The following KCTD21 variants were observed in gnomAD, a reference collection of about 807,000 sequenced individuals.
The protein encoded by KCTD21 is BTB/POZ domain-containing protein KCTD21.
KCTD21 carries 9 observed loss-of-function variants against 13.2 expected under a neutral mutation model. That is an observed-to-expected ratio of 0.68 (90% CI 0.41 to 1.19). KCTD21 has a LOEUF of 1.19. Ranked by LOEUF, KCTD21 falls within the 50% of genes most tolerant of loss-of-function variation. The pLI is 0.01. For missense variants in KCTD21, 303 were observed against 336.5 expected, an observed-to-expected ratio of 0.90 and a Z score of 0.78; for synonymous variants, 142 against 137.4, an observed-to-expected ratio of 1.03 and a Z score of -0.23.
intron 1 of KCTD21, among the ~76,000 whole-genome samples, chr11:78,183,349 A>G (rs1251873729): frequency 6.6e-6 from 1 of 152,142 alleles, no homozygotes; most frequent in Non-Finnish European, 1.5e-5. Flanking sequence ...CAGCCTGGCT[A>G]ACATGGCAAA....
intron 1 of KCTD21, chr11:78,188,323 T>A (rs1862873683): frequency 2.0e-6 from 2 of 981,312 alleles, no homozygotes. Context: ...TTATCCGGGC[T>A]TTTCCGACTA....
At chr11:78,188,394 C>T (rs1862879627) in intron 1 of KCTD21, 179 bp downstream of exon 1, 1 of 985,678 alleles carries the variant, frequency 1.0e-6, no homozygotes, top group Non-Finnish European at 1.2e-6. Context: ...CCCACTTCGG[C>T]TCACCTCGCT....
chr11:78,182,844 T>G (rs1224271669), intron 1 of KCTD21, among the ~76,000 whole-genome samples: 1 of 152,102 alleles, frequency 6.6e-6, no homozygotes, highest in African/African-American at 2.4e-5. Context: ...CGACCTGGAG[T>G]AGGCAAGAGC....
Position 78,174,063 on chromosome 11 carries a change from G to A in KCTD21, c.492C>T (p.Phe164=), listed in dbSNP as rs1449293706. ...AGGAGAGATTGCCATTGGAGCAGTA[G>A]AAGAGCTTAGAGCCAAGGAGCTTGA... The part of the protein sequence containing the change: ...LFLKLLGSKL[F]YCSNGNLSSI... The change falls in exon 2 of 2, where the codon TTC becomes TTT. Residue 164 remains phenylalanine (F), a synonymous_variant. Coordinates refer to ENST00000340067, the MANE Select transcript of KCTD21 (RefSeq NM_001029859.3). 1.2e-6 allele frequency: 2 copies of A among 1,614,190 alleles called. No individual in the cohort carries two copies. Among genetic ancestry groups the A allele is most frequent in the Admixed American group, 3.3e-5 (2 of 60,020 alleles).
At chr11:78,178,643 CAGG>C (rs767768468) in intron 1 of KCTD21, among the ~76,000 whole-genome samples, 2 of 152,154 alleles carry the variant, frequency 1.3e-5, no homozygotes, top group Admixed American at 6.5e-5. Flanking sequence ...GCAAGTGAGG[CAGG>C]AGAACAAGGT....
intron 1 of KCTD21, among the ~76,000 whole-genome samples, chr11:78,184,472 G>T (rs1862715811): frequency 6.6e-6 from 1 of 151,852 alleles, no homozygotes; most frequent in Non-Finnish European, 1.5e-5. Context: ...GAGTAGCTGG[G>T]AGTATAGGCA....
At chr11:78,176,339 C>T (rs536945555) in intron 1 of KCTD21, 18 of 152,356 alleles carry the variant, frequency 1.2e-4, no homozygotes, top group African/African-American at 4.3e-4. Context: ...GCTGCAAGGT[C>T]AGTGCAAATG....
At position 78,176,450 on chromosome 11, in the gene KCTD21, T is replaced by C. The variant is rs1862451596; in HGVS notation, c.-29-1867A>G. The C allele has an allele frequency of 2.6e-5, 4 of 152,422 alleles. No individual in the cohort carries two copies. In the South Asian group the frequency reaches 8.3e-4, roughly 32 times the overall value. 9.4% of individuals were successfully genotyped at this position (152,422 alleles called of 1,614,324 possible). On this transcript the variant is annotated intron_variant, in intron 1 of 1. Transcript: ENST00000340067. ...CAGCATCTATGGCTGGCAAGTCTCC[T>C]TCACCACATGTTCTAGAAAACAGGA...
chr11:78,184,234 C>CA (rs1862707583), intron 1 of KCTD21, among the ~76,000 whole-genome samples: 2 of 152,358 alleles, frequency 1.3e-5, no homozygotes, highest in South Asian at 4.1e-4. Flanking sequence ...ATCCTCCTGA[C>CA]ATGCAGTAAG....
chr11:78,186,693 C>T (rs1862785073), intron 1 of KCTD21: 1 of 985,358 alleles, frequency 1.0e-6, no homozygotes, highest in African/African-American at 1.7e-5. Context: ...TACAGACCAA[C>T]CATACTGGGC....
intron 1 of KCTD21, chr11:78,177,617 C>T (rs544763707): frequency 6.6e-6 from 1 of 152,380 alleles, no homozygotes; most frequent in East Asian, 1.9e-4. Flanking sequence ...CTCTAGTCTA[C>T]TCCAACTGTT....
At position 78,183,405 on chromosome 11, in the gene KCTD21, G is replaced by A. The variant is rs151255664; in HGVS notation, c.-30+5168C>T. On this transcript the variant is annotated intron_variant, in intron 1 of 1. Transcript: ENST00000340067. The stretch of plus-strand genomic sequence containing the variant: ...ACAAAAAATAGCTGGGCGGGGTGGC[G>A]TGCGCCTGTTATTCCAGCTACTTGG... 2.5e-3 allele frequency among the ~76,000 whole-genome samples: 379 copies of A among 151,952 alleles called. 4 individuals carry two copies. The highest frequency in any genetic ancestry group is 8.6e-3 in the African/African-American group (356 of 41,522).
chr11:78,180,553 AAAG>A (rs1160947457), intron 1 of KCTD21, among the ~76,000 whole-genome samples: 2 of 152,238 alleles, frequency 1.3e-5, no homozygotes, highest in Non-Finnish European at 2.9e-5. Flanking sequence ...ATACTCCAGC[AAAG>A]AAGATATGCA....
chr11:78,174,255 T>C lies in KCTD21; in HGVS notation c.300A>G (p.Glu100=). Residue 100 remains glutamate, a synonymous_variant, in exon 2 of 2, where the codon GAA becomes GAG. Coordinates refer to ENST00000340067, the MANE Select transcript of KCTD21 (RefSeq NM_001029859.3). The part of the protein sequence containing the change: ...QPLIEALQEK[E]VELSKAEKNA... ...TCTTCTCGGCCTTGGAGAGCTCCAC[T>C]TCCTTCTCCTGCAGGGCCTCAATCA... is the stretch of plus-strand genomic sequence containing the variant. 6.2e-7 allele frequency: 1 copy of C among 1,614,046 alleles called. No individual in the cohort carries two copies.
intron 1 of KCTD21, chr11:78,187,577 C>G: frequency 1.0e-6 from 1 of 985,444 alleles, no homozygotes; most frequent in Non-Finnish European, 1.2e-6. Flanking sequence ...TCGGCTCACT[C>G]TCACGCTTCA....
intron 1 of KCTD21, chr11:78,187,329 T>C: frequency 1.0e-6 from 1 of 985,274 alleles, no homozygotes; most frequent in Non-Finnish European, 1.2e-6. Context: ...GCCCAGTCCA[T>C]ATCTCTAAGA....
chr11:78,187,399 T>C (rs1862815744), intron 1 of KCTD21: 3 of 985,236 alleles, frequency 3.0e-6, no homozygotes, highest in Non-Finnish European at 3.6e-6. Flanking sequence ...AGGTGCTTCC[T>C]AGACACAGGG....
At chr11:78,185,594 C>A (rs1049782230) in intron 1 of KCTD21, among the ~76,000 whole-genome samples, 6 of 149,568 alleles carry the variant, frequency 4.0e-5, no homozygotes, top group Admixed American at 2.6e-4. Context: ...CACCACTAGG[C>A]CTATTTTTTT....
At chr11:78,181,485 A>T (rs534853524) in intron 1 of KCTD21, among the ~76,000 whole-genome samples, 97 of 152,354 alleles carry the variant, frequency 6.4e-4, no homozygotes, top group African/African-American at 2.2e-3. Flanking sequence ...GATTAAGTGA[A>T]TTCTTGGGGC....
Sources: allele counts gnomAD v4.1 joint callset (sites outside exome capture counted in the v4.1 genomes callset), GRCh38; gene constraint gnomAD v4.1.1; transcripts MANE v1.5; gene names NCBI Gene and HGNC (gene_info 2026-07-23, HGNC 2026-07-21).